The following CCDC82 variants were observed in gnomAD, a reference collection of about 807,000 sequenced individuals.
The protein encoded by CCDC82 is coiled-coil domain-containing protein 82.
CCDC82 carries 47 observed loss-of-function variants against 60.6 expected under a neutral mutation model. That is an observed-to-expected ratio of 0.77 (90% CI 0.61 to 0.99). The LOEUF (loss-of-function observed/expected upper bound fraction) is 0.99. CCDC82 is among the 50% of genes least tolerant of loss of function. The probability of loss-of-function intolerance (pLI) is 0.00; values close to 1 mark genes in which losing one functional copy is unlikely to be tolerated. For synonymous variants in CCDC82, 212 were observed against 207.4 expected (o/e 1.02, Z -0.19); for missense variants, 588 against 633.0 (o/e 0.93, Z 0.76).
intron 6 of CCDC82, among the ~76,000 whole-genome samples, chr11:96,371,367 G>C (rs938297343): frequency 6.6e-6 from 1 of 152,154 alleles, no homozygotes; most frequent in Non-Finnish European, 1.5e-5. Context: ...TGCATTACGA[G>C]GTCAGGAGAT....
chr11:96,384,721 T>G lies in CCDC82; in HGVS notation c.27A>C (p.Thr9=). Residue 9 remains threonine, a synonymous_variant, in exon 4 of 10, where the codon ACA becomes ACC. Coordinates refer to ENST00000646818, the MANE Select transcript of CCDC82 (RefSeq NM_024725.4). ...GCACGTGACTCTTAGAATTTCTCCTTGTTTCATGTCTTCTAACATGTATCA... is the reference window on the plus strand; with the variant it reads ...GCACGTGACTCTTAGAATTTCTCCTGGTTTCATGTCTTCTAACATGTATCA... MIHVRRHE[T]RRNSKSHVPE... is the part of the protein sequence containing the mutation. 6.2e-7 allele frequency: 1 copy of G among 1,607,946 alleles called. No individual in the cohort carries two copies. Among genetic ancestry groups the G allele is most frequent in the South Asian group, 1.1e-5 (1 of 89,592 alleles).
rs1591222874 is a variant in CCDC82 at position 96,384,332 on chromosome 11, T to C, written c.416A>G (p.Lys139Arg). Residue 139 changes from lysine to arginine, a missense_variant, in exon 4 of 10, where the codon AAA (lysine) becomes AGA (arginine). Physicochemically the swap from Lys to Arg is conservative, Grantham distance 26. Coordinates refer to ENST00000646818, the MANE Select transcript of CCDC82 (RefSeq NM_024725.4). ...HLSQEDNDLN[K>R]QTGQIIEDDQ... is the part of the protein sequence containing the mutation. ...ATCCTCTATTATTTGTCCAGTTTGTTTGTTGAGATCATTATCCTCTTGACT... is the reference window on the plus strand; with the variant it reads ...ATCCTCTATTATTTGTCCAGTTTGTCTGTTGAGATCATTATCCTCTTGACT... The C allele has an allele frequency of 6.2e-7, 1 of 1,613,846 alleles. No homozygotes were observed. The highest frequency in any genetic ancestry group is 8.5e-7 in the Non-Finnish European group (1 of 1,179,848).
rs1864889206 is a variant in CCDC82 at position 96,365,295 on chromosome 11, G to A, written c.1210-145C>T. 1.1e-5 allele frequency: 5 copies of A among 464,402 alleles called. No homozygotes were observed. The South Asian group carries it at 2.3e-4, about 21-fold the overall frequency. 28.8% of individuals were successfully genotyped at this position (464,402 alleles called of 1,614,324 possible). On this transcript the variant is annotated intron_variant, in intron 7 of 9. Transcript: ENST00000646818. Reference sequence around the variant, plus strand: ...CTGGCATTTCTTACTTTAATACTGAGCACATAGTAGGTATTTTACAAGATA... The same window carrying A: ...CTGGCATTTCTTACTTTAATACTGAACACATAGTAGGTATTTTACAAGATA...
At chr11:96,380,462 G>C (rs908006960) in intron 5 of CCDC82, 1 of 151,652 alleles carries the variant, frequency 6.6e-6, no homozygotes, top group South Asian at 2.1e-4. Flanking sequence ...GGAAGCCTCA[G>C]TATTTAAAGG....
Position 96,353,446 on chromosome 11 carries a change from G to A in CCDC82, c.*200C>T. 2 of 494,990 alleles carry A rather than the reference G, an allele frequency of 4.0e-6. No individual in the cohort carries two copies. Among genetic ancestry groups the A allele is most frequent in the Non-Finnish European group, 7.1e-6 (2 of 280,848 alleles). 30.7% of individuals were successfully genotyped at this position (494,990 alleles called of 1,614,324 possible). On this transcript the variant is annotated 3_prime_UTR_variant, in exon 10 of 10. Transcript: ENST00000646818. ...TTACAGACTTAAAAATTAAGATAAT[G>A]CTTTTATGTACATCAGATAAAAGTT...
chr11:96,382,729 T>A (rs1011062577), intron 5 of CCDC82: 1 of 151,824 alleles, frequency 6.6e-6, no homozygotes, highest in Non-Finnish European at 1.5e-5. Flanking sequence ...TAAAATACTA[T>A]TAAAATACTC....
At chr11:96,366,020 A>C (rs1316412790) in intron 7 of CCDC82, among the ~76,000 whole-genome samples, 2 of 152,236 alleles carry the variant, frequency 1.3e-5, no homozygotes, top group African/African-American at 4.8e-5. Context: ...TCAACTTTTC[A>C]TATTTCTCAT....
chr11:96,359,221 A>G, intron 8 of CCDC82, 43 bp from the exon 9 acceptor site: 1 of 1,464,414 alleles, frequency 6.8e-7, no homozygotes, highest in South Asian at 1.4e-5. Flanking sequence ...ACGAATATAT[A>G]TCCTTTCTGG....
intron 5 of CCDC82, among the ~76,000 whole-genome samples, chr11:96,377,262 C>A (rs1265617293): frequency 6.6e-6 from 1 of 152,106 alleles, no homozygotes; most frequent in Non-Finnish European, 1.5e-5. Context: ...AGATATGCTA[C>A]GTCTACTCCT....
intron 9 of CCDC82, chr11:96,356,261 G>C (rs1864343580): frequency 4.8e-6 from 1 of 206,708 alleles, no homozygotes; most frequent in Non-Finnish European, 8.5e-6. Flanking sequence ...GAAAAAAGGG[G>C]CAAGGGAAAA....
rs1274777932 is a variant in CCDC82, at chr11:96,383,425, C to T, written c.835G>A (p.Glu279Lys). ...TCAGATTCATAATTATCCTCTTCTT[C>T]CTCCTCATCAACTTCATCACTGCTT... ...CPSSDEVDEE[E>K]EEDNYESDED... The change falls in exon 5 of 10, where the codon GAA (glutamate) becomes AAA (lysine). Residue 279 changes from glutamate (E) to lysine (K), a missense_variant. Transcript: ENST00000646818. 3 of 1,604,438 alleles carry T rather than the reference C, an allele frequency of 1.9e-6. No homozygotes were observed. Among genetic ancestry groups the T allele is most frequent in the South Asian group, 2.2e-5 (2 of 90,346 alleles).
chr11:96,356,551 C>CT, intron 9 of CCDC82: 1 of 985,248 alleles, frequency 1.0e-6, no homozygotes, highest in Non-Finnish European at 1.2e-6. Context: ...ATCATATACA[C>CT]TTTCTTCTTA....
chr11:96,359,058 C>T lies in CCDC82; in HGVS notation c.1501G>A (p.Glu501Lys), dbSNP rs201473665. 1.9e-6 allele frequency: 3 copies of T among 1,608,672 alleles called. No homozygotes were observed. The highest frequency in any genetic ancestry group is 4.5e-5 in the East Asian group (2 of 44,538). ...TIAMTEEVEDEQVKETVERIF... is the reference protein window; with the variant it reads ...TIAMTEEVEDKQVKETVERIF... ...CTTTCCACTGTTTCTTTAACTTGTT[C>T]ATCTTCAACTTCTTCTGTCATTGCA... The change falls in exon 9 of 10, where the codon GAA (glutamate) becomes AAA (lysine). Residue 501 changes from glutamate (E) to lysine (K), a missense_variant. Coordinates refer to ENST00000646818, the MANE Select transcript of CCDC82 (RefSeq NM_024725.4).
chr11:96,367,133 G>T (rs562690812), intron 7 of CCDC82, among the ~76,000 whole-genome samples: 13 of 152,236 alleles, frequency 8.5e-5, no homozygotes, highest in African/African-American at 3.1e-4. Flanking sequence ...ACTGATAAGG[G>T]GCTAGTTGCT....
At chr11:96,384,832 A>G (rs1454719918) in intron 3 of CCDC82, 71 bp from the exon 4 acceptor site, 6 of 932,448 alleles carry the variant, frequency 6.4e-6, no homozygotes, top group Non-Finnish European at 9.2e-6. Flanking sequence ...TTATGGTATA[A>G]ATTATATTTA....
intron 9 of CCDC82, chr11:96,358,700 A>G (rs1026685137): frequency 7.6e-6 from 9 of 1,183,732 alleles, no homozygotes; most frequent in Non-Finnish European, 9.7e-6. Context: ...GACTTAATAT[A>G]TATGTAAGCA....
At chr11:96,370,312 G>A (rs1865192610) in intron 7 of CCDC82, among the ~76,000 whole-genome samples, 1 of 151,940 alleles carries the variant, frequency 6.6e-6, no homozygotes, top group African/African-American at 2.4e-5. Flanking sequence ...AAGTAACAGG[G>A]AGAAAACCCT....
chr11:96,356,166 T>G (rs1480189894), intron 9 of CCDC82: 1 of 152,124 alleles, frequency 6.6e-6, no homozygotes, highest in African/African-American at 2.4e-5. Context: ...GGCTAGGGGA[T>G]TATACACTTT....
intron 9 of CCDC82, chr11:96,357,467 A>G (rs1230677913): frequency 2.0e-6 from 2 of 985,024 alleles, no homozygotes; most frequent in Non-Finnish European, 2.4e-6. Flanking sequence ...TCCTAAGAAA[A>G]GAATGCCAAG....
Sources: gnomAD v4.1 joint callset for allele counts (sites outside exome capture counted in the v4.1 genomes callset) on GRCh38, gnomAD v4.1.1 for gene constraint, MANE v1.5 for transcripts, NCBI Gene and HGNC (gene_info 2026-07-23, HGNC 2026-07-21) for gene names.